The following SPMIP3 variants were observed in gnomAD, a reference collection of about 807,000 sequenced individuals.
The protein encoded by SPMIP3 is sperm microtubule inner protein 3, also known as protein SPMIP3.
At chr1:244,365,979 C>A in the SPMIP3 span, among the ~76,000 whole-genome samples, 2 of 152,104 alleles carry the variant, frequency 1.3e-5, no homozygotes, top group African/African-American at 4.8e-5. Context: ...CTAGATCTGT[C>A]TTGTTGTGCT....
At chr1:244,389,132 G>A in the SPMIP3 span, 1 of 1,227,224 alleles carries the variant, frequency 8.1e-7, no homozygotes, top group Non-Finnish European at 1.2e-6. Context: ...CTAAGTTAAT[G>A]GCAGCAGAAC....
the SPMIP3 span, among the ~76,000 whole-genome samples, chr1:244,358,498 T>C: frequency 3.3e-5 from 5 of 151,752 alleles, no homozygotes; most frequent in African/African-American, 1.2e-4. Context: ...GGCATCAGAA[T>C]TGCTTGAACC....
At chr1:244,359,979 C>A in the SPMIP3 span, among the ~76,000 whole-genome samples, 1 of 148,176 alleles carries the variant, frequency 6.7e-6, no homozygotes. Flanking sequence ...CGTGGTGGTG[C>A]GTGCCTGTAG....
At chr1:244,369,378 G>A in the SPMIP3 span, among the ~76,000 whole-genome samples, 5 of 152,116 alleles carry the variant, frequency 3.3e-5, no homozygotes, top group Non-Finnish European at 5.9e-5. Flanking sequence ...AACTTTGATC[G>A]AAACAGTCTC....
the SPMIP3 span, among the ~76,000 whole-genome samples, chr1:244,387,390 A>T: frequency 1.1e-4 from 17 of 152,226 alleles, no homozygotes; most frequent in African/African-American, 4.1e-4. Context: ...CTCTCTTTGA[A>T]CCCTTATTTT....
the SPMIP3 span, among the ~76,000 whole-genome samples, chr1:244,387,505 G>C: frequency 1.1e-5 from 1 of 88,076 alleles, no homozygotes; most frequent in African/African-American, 6.5e-5. Context: ...AGGTAGGAGA[G>C]TGGGTGTAGA....
At chr1:244,369,112 A>G in the SPMIP3 span, among the ~76,000 whole-genome samples, 2 of 152,046 alleles carry the variant, frequency 1.3e-5, no homozygotes, top group Non-Finnish European at 2.9e-5. Context: ...GTGAGCCAAG[A>G]TTGCACCACT....
chr1:244,358,453 C>T, the SPMIP3 span, among the ~76,000 whole-genome samples: 6 of 150,996 alleles, frequency 4.0e-5, no homozygotes, highest in African/African-American at 7.3e-5. Flanking sequence ...GGCGTGGTGG[C>T]GCATGTCTGT....
At chr1:244,361,364 G>T in the SPMIP3 span, among the ~76,000 whole-genome samples, 1 of 151,526 alleles carries the variant, frequency 6.6e-6, no homozygotes, top group African/African-American at 2.4e-5. Flanking sequence ...AAGCAGCTGG[G>T]ATTACAGGCA....
the SPMIP3 span, among the ~76,000 whole-genome samples, chr1:244,358,653 A>G: frequency 6.6e-6 from 1 of 151,980 alleles, no homozygotes; most frequent in Non-Finnish European, 1.5e-5. Flanking sequence ...ACACATATAT[A>G]TGATACAAAA....
the SPMIP3 span, among the ~76,000 whole-genome samples, chr1:244,353,851 G>GC: frequency 6.6e-6 from 1 of 152,140 alleles, no homozygotes; most frequent in Non-Finnish European, 1.5e-5. Flanking sequence ...ATTGCTGCGA[G>GC]CCCTCTTCTA....
the SPMIP3 span, among the ~76,000 whole-genome samples, chr1:244,381,122 G>C: frequency 1.3e-5 from 2 of 152,012 alleles, no homozygotes; most frequent in Admixed American, 1.3e-4. Context: ...GGAAGCTGGG[G>C]ATTAGCTTGA....
At chr1:244,385,028 A>G in the SPMIP3 span, among the ~76,000 whole-genome samples, 1 of 151,990 alleles carries the variant, frequency 6.6e-6, no homozygotes, top group African/African-American at 2.4e-5. Context: ...CAGCCTCCCG[A>G]GTAGCTGGGA....
At chr1:244,366,219 G>A in the SPMIP3 span, among the ~76,000 whole-genome samples, 1 of 152,150 alleles carries the variant, frequency 6.6e-6, no homozygotes, top group East Asian at 1.9e-4. Flanking sequence ...CTGTTGCCCA[G>A]GCTGGAGTGA....
At chr1:244,389,003 A>G in the SPMIP3 span, 1 of 1,614,068 alleles carries the variant, frequency 6.2e-7, no homozygotes, top group Non-Finnish European at 8.5e-7. Flanking sequence ...CGCTTAATTC[A>G]CTGCCAGAGC....
At chr1:244,359,325 C>T in the SPMIP3 span, among the ~76,000 whole-genome samples, 1 of 152,124 alleles carries the variant, frequency 6.6e-6, no homozygotes, top group Non-Finnish European at 1.5e-5. Flanking sequence ...AGGCAACCCA[C>T]AGAATGGGAG....
At chr1:244,361,480 C>T in the SPMIP3 span, among the ~76,000 whole-genome samples, 3 of 152,012 alleles carry the variant, frequency 2.0e-5, no homozygotes, top group Non-Finnish European at 4.4e-5. Context: ...CTGCCCACCT[C>T]GGCCTCTCAA....
chr1:244,384,990 C>T, the SPMIP3 span, among the ~76,000 whole-genome samples: 1 of 152,336 alleles, frequency 6.6e-6, no homozygotes, highest in Admixed American at 6.5e-5. Context: ...CAACCTCCAC[C>T]TCCCAGATTC....
the SPMIP3 span, among the ~76,000 whole-genome samples, chr1:244,379,653 C>T: frequency 6.6e-5 from 10 of 152,128 alleles, no homozygotes; most frequent in African/African-American, 2.4e-4. Context: ...CTAAGTTCCC[C>T]TTGTAATATG....
Sources: gnomAD v4.1 joint callset for allele counts (sites outside exome capture counted in the v4.1 genomes callset) on GRCh38, gnomAD v4.1.1 for gene constraint, MANE v1.5 for transcripts, NCBI Gene and HGNC (gene_info 2026-07-23, HGNC 2026-07-21) for gene names.